The following CSTA variants were observed in gnomAD, a reference collection of about 807,000 sequenced individuals.
CSTA encodes cystatin A.
CSTA carries 9 observed loss-of-function variants against 9.2 expected under a neutral mutation model. The observed-to-expected ratio is 0.97, with a 90% confidence interval of 0.59 to 1.70. The LOEUF is 1.70. CSTA is among the 40% of genes most tolerant of loss of function. The probability of loss-of-function intolerance (pLI) is 0.00; values close to 1 mark genes in which losing one functional copy is unlikely to be tolerated. For synonymous variants in CSTA, 36 were observed against 40.6 expected (o/e 0.89, Z 0.43); for missense variants, 118 against 113.1 (o/e 1.04, Z -0.20).
chr3:122,339,637 G>A (rs2075254614), intron 2 of CSTA, among the ~76,000 whole-genome samples: 1 of 152,192 alleles, frequency 6.6e-6, no homozygotes, highest in South Asian at 2.1e-4. Flanking sequence ...AGGATAGCTT[G>A]AAGCCAGGAG....
chr3:122,326,658 T>A (rs542375811), intron 1 of CSTA, among the ~76,000 whole-genome samples: 4 of 152,344 alleles, frequency 2.6e-5, no homozygotes, highest in Admixed American at 2.0e-4. Context: ...GTTCTTTTTT[T>A]AAATAAATAT....
intron 1 of CSTA, among the ~76,000 whole-genome samples, chr3:122,335,958 TACACAC>T (rs55707796): frequency 0.16 from 23,798 of 147,504 alleles, 2,244 homozygotes; most frequent in East Asian, 0.45. Flanking sequence ...ATCAGAGGAA[TACACAC>T]ACACACACAC....
At chr3:122,337,782 A>G in intron 2 of CSTA, 134 bp downstream of exon 2, 1 of 759,646 alleles carries the variant, frequency 1.3e-6, no homozygotes, top group Admixed American at 2.0e-5. Flanking sequence ...GATTCCTTCC[A>G]AGTGGTGGAC....
intron 2 of CSTA, among the ~76,000 whole-genome samples, chr3:122,338,652 G>A (rs1043299108): frequency 1.3e-5 from 2 of 152,122 alleles, no homozygotes; most frequent in African/African-American, 2.4e-5. Context: ...TGTGAAAGAG[G>A]ACCCTGCTGT....
chr3:122,336,620 T>C (rs1559982411), intron 1 of CSTA, among the ~76,000 whole-genome samples: 2 of 152,122 alleles, frequency 1.3e-5, no homozygotes, highest in Admixed American at 1.3e-4. Flanking sequence ...GAACCATCAA[T>C]GGATGCTAAA....
chr3:122,325,469 G>A, intron 1 of CSTA, 111 bp downstream of exon 1: 1 of 1,050,524 alleles, frequency 9.5e-7, no homozygotes, highest in Non-Finnish European at 1.5e-6. Flanking sequence ...GATGTTTGTG[G>A]CTTTGTTCAG....
chr3:122,332,419 C>T (rs546353068), intron 1 of CSTA, among the ~76,000 whole-genome samples: 1 of 152,308 alleles, frequency 6.6e-6, no homozygotes, highest in South Asian at 2.1e-4. Flanking sequence ...TCAAACTCTC[C>T]TTCCTTACTC....
intron 1 of CSTA, among the ~76,000 whole-genome samples, chr3:122,333,582 A>AGAAAGAAAGAAAGAAAGAAG: frequency 6.9e-6 from 1 of 144,562 alleles, no homozygotes; most frequent in Non-Finnish European, 1.5e-5. Flanking sequence ...AAAGAAAGAA[A>AGAAAGAAAGAAAGAAAGAAG]GAAAGAAAGA....
intron 2 of CSTA, among the ~76,000 whole-genome samples, chr3:122,339,568 A>C (rs898883067): frequency 2.6e-5 from 4 of 152,174 alleles, no homozygotes; most frequent in Non-Finnish European, 5.9e-5. Context: ...ACAAGGTTAC[A>C]CTGGCCTGGT....
chr3:122,339,992 G>A (rs529462787), intron 2 of CSTA, among the ~76,000 whole-genome samples: 4 of 152,122 alleles, frequency 2.6e-5, no homozygotes, highest in Non-Finnish European at 4.4e-5. Flanking sequence ...CTGCTTCCAC[G>A]TCTGTAAAAA....
intron 2 of CSTA, among the ~76,000 whole-genome samples, chr3:122,339,054 C>T (rs1225699578): frequency 6.6e-6 from 1 of 152,106 alleles, no homozygotes; most frequent in East Asian, 1.9e-4. Flanking sequence ...TCCCTTTGCT[C>T]TGAGGCACTC....
intron 1 of CSTA, among the ~76,000 whole-genome samples, chr3:122,327,489 ACTGCACTCCAGC>A (rs1265910643): frequency 7.3e-6 from 1 of 136,606 alleles, no homozygotes; most frequent in African/African-American, 2.7e-5. Flanking sequence ...AGATTGCACC[ACTGCACTCCAGC>A]CTGGGCAACA....
intron 1 of CSTA, 97 bp from the exon 2 acceptor site, chr3:122,337,450 G>C: frequency 2.6e-6 from 2 of 768,470 alleles, no homozygotes; most frequent in Non-Finnish European, 4.5e-6. Flanking sequence ...TACCATCTTT[G>C]AAGACTTTTA....
At chr3:122,332,611 G>C (rs1559981299) in intron 1 of CSTA, among the ~76,000 whole-genome samples, 2 of 152,152 alleles carry the variant, frequency 1.3e-5, no homozygotes. Flanking sequence ...ACCTCACCAA[G>C]ATTCATGCTC....
At chr3:122,328,384 C>T (rs1409516962) in intron 1 of CSTA, among the ~76,000 whole-genome samples, 3 of 151,440 alleles carry the variant, frequency 2.0e-5, no homozygotes. Flanking sequence ...GCCTGTAATC[C>T]CAGCTACCCA....
rs1399885130 is a variant in CSTA, at chr3:122,325,496, G to C, written c.66+138G>C. ...TTTGTTCAGGTTTCTTTACAACTAA[G>C]ATGAAATAAGAGTTTTTCAGATGAA... On this transcript the variant is annotated intron_variant, in intron 1 of 2. Transcript: ENST00000264474. 3.7e-6 allele frequency: 3 copies of C among 804,652 alleles called. No individual in the cohort carries two copies. The East Asian group carries it at 7.9e-5, about 21-fold the overall frequency. The allele number at this position is 804,652 out of a possible 1,614,324, so 49.8% of individuals were successfully genotyped here.
chr3:122,334,631 C>G (rs563808796), intron 1 of CSTA, among the ~76,000 whole-genome samples: 8 of 152,296 alleles, frequency 5.3e-5, no homozygotes, highest in African/African-American at 1.9e-4. Flanking sequence ...AAACAAGGTA[C>G]ATTCAACACA....
chr3:122,333,990 C>T (rs1244882885), intron 1 of CSTA, among the ~76,000 whole-genome samples: 2 of 152,170 alleles, frequency 1.3e-5, no homozygotes, highest in African/African-American at 4.8e-5. Context: ...AACTCAGCTC[C>T]TAACTTGACT....
At position 122,325,441 on chromosome 3, in the gene CSTA, T is replaced by C; in HGVS notation, c.66+83T>C. 11 of 1,333,672 alleles carry C rather than the reference T, an allele frequency of 8.2e-6. No individual in the cohort carries two copies. In the South Asian group the frequency reaches 1.3e-4, roughly 16 times the overall value. 82.6% of individuals were successfully genotyped at this position (1,333,672 alleles called of 1,614,324 possible). A position where few individuals can be genotyped will look rare whatever the true frequency, so the allele number is the denominator to read the frequency against. ...CCTGTGGAAAGGCTGTGGTTGAACA[T>C]GAAAACCAGAAGTTTAGGATGTTTG... is the stretch of plus-strand genomic sequence containing the variant. On this transcript the variant is annotated intron_variant, in intron 1 of 2. Coordinates refer to ENST00000264474, the MANE Select transcript of CSTA (RefSeq NM_005213.4).
Sources: gnomAD v4.1 joint callset for allele counts (sites outside exome capture counted in the v4.1 genomes callset) on GRCh38, gnomAD v4.1.1 for gene constraint, MANE v1.5 for transcripts, NCBI Gene and HGNC (gene_info 2026-07-23, HGNC 2026-07-21) for gene names.